The following LRRC63 variants were observed in gnomAD, a reference collection of about 807,000 sequenced individuals.
The protein encoded by LRRC63 is leucine rich repeat containing 63.
In LRRC63, 40 loss-of-function variants were observed where a neutral mutation model predicts 49.5. That is an observed-to-expected ratio of 0.81 (90% CI 0.63 to 1.05). The LOEUF (loss-of-function observed/expected upper bound fraction) is 1.05, where lower values mean the gene tolerates loss of function less well. Among genes scored for constraint, LRRC63 ranks in the 50% least tolerant of loss-of-function variants. The pLI is 0.00. For missense variants in LRRC63, 636 were observed against 663.1 expected, an observed-to-expected ratio of 0.96 and a Z score of 0.45; for synonymous variants, 191 against 221.1, an observed-to-expected ratio of 0.86 and a Z score of 1.21.
intron 5 of LRRC63, 137 bp downstream of exon 5, chr13:46,234,486 C>A: frequency 1.3e-6 from 1 of 790,370 alleles, no homozygotes; most frequent in Non-Finnish European, 1.9e-6. Context: ...GGAACACATT[C>A]AAATTGCATC....
intron 9 of LRRC63, among the ~76,000 whole-genome samples, chr13:46,275,692 T>C (rs886571579): frequency 6.6e-6 from 1 of 151,944 alleles, no homozygotes; most frequent in South Asian, 2.1e-4. Context: ...GTTCATCATA[T>C]ATTCATTAGT....
At chr13:46,264,592 T>C (rs1271564520) in intron 8 of LRRC63, among the ~76,000 whole-genome samples, 1 of 152,052 alleles carries the variant, frequency 6.6e-6, no homozygotes, top group East Asian at 1.9e-4. Flanking sequence ...TGCGTGTCTG[T>C]GTGTGCTGTA....
intron 5 of LRRC63, among the ~76,000 whole-genome samples, chr13:46,243,892 T>C (rs2047138119): frequency 6.6e-6 from 1 of 152,212 alleles, no homozygotes; most frequent in Non-Finnish European, 1.5e-5. Context: ...ATAAATCTTA[T>C]ATCACTAAAA....
intron 9 of LRRC63, among the ~76,000 whole-genome samples, chr13:46,269,906 C>CATATATATAT (rs149054055): frequency 0.18 from 26,335 of 145,270 alleles, 2,772 homozygotes; most frequent in East Asian, 0.3. Flanking sequence ...ACACTATATA[C>CATATATATAT]ATATATATAT....
chr13:46,271,735 A>AAC (rs1281502374), intron 9 of LRRC63, among the ~76,000 whole-genome samples: 152 of 151,620 alleles, frequency 1.0e-3, no homozygotes, highest in African/African-American at 3.4e-3. Context: ...AAAAAAAAAA[A>AAC]AACTCCAACA....
At chr13:46,215,854 C>T (rs901940921) in intron 2 of LRRC63, among the ~76,000 whole-genome samples, 1 of 152,156 alleles carries the variant, frequency 6.6e-6, no homozygotes, top group Admixed American at 6.5e-5. Context: ...GTTTTCCGAG[C>T]ACCATTTACT....
At chr13:46,252,876 G>A (rs140676217) in intron 7 of LRRC63, among the ~76,000 whole-genome samples, 190 of 152,164 alleles carry the variant, frequency 1.2e-3, no homozygotes, top group African/African-American at 4.2e-3. Context: ...AGTAAGCAGG[G>A]ACCAGATTAT....
intron 9 of LRRC63, among the ~76,000 whole-genome samples, chr13:46,271,923 T>C (rs959111385): frequency 6.6e-6 from 1 of 152,138 alleles, no homozygotes; most frequent in Admixed American, 6.5e-5. Flanking sequence ...AAGAGATAAC[T>C]AATAATAACT....
At chr13:46,252,313 A>T (rs149994617) in intron 7 of LRRC63, among the ~76,000 whole-genome samples, 2 of 152,132 alleles carry the variant, frequency 1.3e-5, no homozygotes, top group African/African-American at 4.8e-5. Flanking sequence ...GGAGATCAGT[A>T]ACTGAATTAA....
chr13:46,267,188 A>G (rs901924830), intron 9 of LRRC63, among the ~76,000 whole-genome samples: 5 of 152,204 alleles, frequency 3.3e-5, no homozygotes, highest in Non-Finnish European at 7.3e-5. Flanking sequence ...TCAAGTTGTT[A>G]CTTAAATCCA....
exon 10 of LRRC63, chr13:46,276,868 T>TTATATATATATATA (rs764407277): frequency 2.7e-5 from 4 of 148,350 alleles, no homozygotes; most frequent in African/African-American, 2.8e-5. Context: ...ATATATATAT[T>TTATATATATATATA]TATATATATA....
intron 7 of LRRC63, among the ~76,000 whole-genome samples, chr13:46,260,937 T>G (rs1305033781): frequency 6.6e-6 from 1 of 152,152 alleles, no homozygotes; most frequent in East Asian, 1.9e-4. Flanking sequence ...TACAAATAAC[T>G]TCTCACCTTT....
intron 7 of LRRC63, among the ~76,000 whole-genome samples, chr13:46,258,425 A>G (rs1050707176): frequency 6.7e-6 from 1 of 149,588 alleles, no homozygotes; most frequent in East Asian, 2.0e-4. Context: ...CCCCGCACCC[A>G]GCCCTGACCT....
intron 7 of LRRC63, among the ~76,000 whole-genome samples, chr13:46,253,332 T>C (rs964361858): frequency 6.6e-6 from 1 of 152,050 alleles, no homozygotes; most frequent in African/African-American, 2.4e-5. Context: ...AGCATTGGGT[T>C]CAGATTGTTA....
intron 8 of LRRC63, 110 bp downstream of exon 8, chr13:46,262,102 C>T (rs1407446231): frequency 1.6e-5 from 6 of 365,888 alleles, no homozygotes; most frequent in Non-Finnish European, 2.4e-5. Flanking sequence ...AAAATGTAAT[C>T]TGTGAAGTAC....
chr13:46,261,646 A>G (rs2047616580), intron 7 of LRRC63, among the ~76,000 whole-genome samples: 1 of 151,944 alleles, frequency 6.6e-6, no homozygotes, highest in Admixed American at 6.5e-5. Context: ...AACAACAACA[A>G]AAAAGTATCT....
intron 4 of LRRC63, among the ~76,000 whole-genome samples, chr13:46,233,628 G>C (rs1027624281): frequency 2.6e-5 from 4 of 152,116 alleles, no homozygotes; most frequent in Admixed American, 2.6e-4. Context: ...AACCCATAGG[G>C]TCATAATAAA....
chr13:46,273,789 G>A lies in LRRC63; in HGVS notation c.1551-2801G>A, dbSNP rs550871315. Reference sequence around the variant, plus strand: ...TAGCTGGGCGTGGTGGCACATGCCTGTAATCCTAGCTACTTGGGAGGCTGA... The same window carrying A: ...TAGCTGGGCGTGGTGGCACATGCCTATAATCCTAGCTACTTGGGAGGCTGA... On this transcript the variant is annotated intron_variant, in intron 9 of 9. Transcript: ENST00000595396. Among the ~76,000 whole-genome samples, 7 of 151,646 alleles carry A rather than the reference G, an allele frequency of 4.6e-5. 1 individual carries two copies. In the South Asian group the frequency reaches 1.2e-3, roughly 27 times the overall value.
chr13:46,228,578 G>A (rs908165901), intron 3 of LRRC63, 87 bp from the exon 4 acceptor site: 1 of 772,256 alleles, frequency 1.3e-6, no homozygotes, highest in East Asian at 2.7e-5. Flanking sequence ...TCCATTAAAT[G>A]ATGAACAATT....
Sources: gnomAD v4.1 joint callset for allele counts (sites outside exome capture counted in the v4.1 genomes callset) on GRCh38, gnomAD v4.1.1 for gene constraint, MANE v1.5 for transcripts, NCBI Gene and HGNC (gene_info 2026-07-23, HGNC 2026-07-21) for gene names.